The following RXFP2 variants were observed in gnomAD, a reference collection of about 807,000 sequenced individuals.
The protein encoded by RXFP2 is relaxin receptor 2.
In RXFP2, 68 loss-of-function variants were observed where a neutral mutation model predicts 88.6. That is an observed-to-expected ratio of 0.77 (90% CI 0.63 to 0.94). The LOEUF (loss-of-function observed/expected upper bound fraction) is 0.94, where lower values mean the gene tolerates loss of function less well. Ranked by LOEUF, RXFP2 falls within the 40% of genes least tolerant of loss-of-function variation. RXFP2 has a pLI of 0.00. For synonymous variants in RXFP2, 329 were observed against 306.8 expected, an observed-to-expected ratio of 1.07 and a Z score of -0.76; for missense variants, 791 against 893.9, an observed-to-expected ratio of 0.88 and a Z score of 1.47.
At position 31,795,178 on chromosome 13, in the gene RXFP2, C is replaced by T. The variant is rs202210034; in HGVS notation, c.1787-2023C>T. Among the ~76,000 whole-genome samples the T allele has an allele frequency of 2.4e-3, 357 of 149,078 alleles. 9 individuals carry two copies. In the East Asian group the frequency reaches 0.026, roughly 11 times the overall value. ...CTTTTTTTTTTTTTTGAGACAGAGT[C>T]TTGCCCTGTCTCCCAGGCTGGAGTG... On this transcript the variant is annotated intron_variant, in intron 16 of 17. Coordinates refer to ENST00000298386, the MANE Select transcript of RXFP2 (RefSeq NM_130806.5).
chr13:31,748,162 G>T (rs1434060091), intron 1 of RXFP2, among the ~76,000 whole-genome samples: 4 of 152,142 alleles, frequency 2.6e-5, no homozygotes, highest in Non-Finnish European at 5.9e-5. Context: ...TTCTGGCTTG[G>T]GGCTATTGTG....
intron 5 of RXFP2, among the ~76,000 whole-genome samples, chr13:31,769,809 C>G (rs148423238): frequency 6.6e-6 from 1 of 152,252 alleles, no homozygotes; most frequent in Non-Finnish European, 1.5e-5. Flanking sequence ...TAAATACATC[C>G]CTAGTCAGTT....
In RXFP2 at chr13:31,789,216, G is replaced by A. The variant is rs150333753; in HGVS notation, c.1145+23G>A. On this transcript the variant is annotated intron_variant, in intron 14 of 17. Transcript: ENST00000298386. ...CATGTACGTATGTATAAAAAATGGA[G>A]GAGGAAGCATGGTAAAATGCTTCAA... 5,665 of 1,463,636 alleles carry A rather than the reference G, an allele frequency of 3.9e-3. 33 individuals carry two copies. Among genetic ancestry groups the A allele is most frequent in the Middle Eastern group, 6.1e-3 (35 of 5,772 alleles). 90.7% of individuals were successfully genotyped at this position (1,463,636 alleles called of 1,614,324 possible).
At position 31,775,397 on chromosome 13, in the gene RXFP2, C is replaced by CT; in HGVS notation, c.641+9dup. ...ACATCAGCTAACTTGGCTGTAAGTACTCTAATTCTTCTTTCTCCCATAGAG... is the reference window on the plus strand; with the variant it reads ...ACATCAGCTAACTTGGCTGTAAGTACTTCTAATTCTTCTTTCTCCCATAGAG... On this transcript the variant is annotated intron_variant, in intron 7 of 17. Coordinates refer to ENST00000298386, the MANE Select transcript of RXFP2 (RefSeq NM_130806.5). 1 of 1,587,212 alleles carries CT rather than the reference C, an allele frequency of 6.3e-7. No homozygotes were observed.
At chr13:31,787,290 C>T (rs772939295) in intron 13 of RXFP2, among the ~76,000 whole-genome samples, 1 of 152,204 alleles carries the variant, frequency 6.6e-6, no homozygotes, top group African/African-American at 2.4e-5. Flanking sequence ...ATTCCAAAGA[C>T]CAATTCTTAG....
rs778050268 is a variant in RXFP2, at chr13:31,786,375, G to A, written c.930-8G>A. ...GTAATTGCTTTGGGTTTTCATTGTC[G>A]TCAACAGGGATCTGTCTAGCAATAC... On this transcript the variant is annotated splice_polypyrimidine_tract_variant and splice_region_variant and intron_variant, in intron 11 of 17. Coordinates refer to ENST00000298386, the MANE Select transcript of RXFP2 (RefSeq NM_130806.5). 52 of 1,589,628 alleles carry A rather than the reference G, an allele frequency of 3.3e-5. No homozygotes were observed. The highest frequency in any genetic ancestry group is 1.7e-4 in the Admixed American group (10 of 59,954).
chr13:31,739,646 A>C lies in RXFP2; in HGVS notation c.34A>C (p.Ser12Arg), dbSNP rs775335484. Residue 12 changes from serine (S) to arginine (R), a missense_variant, in exon 1 of 18, where the codon AGC becomes CGC. Physicochemically the swap from Ser to Arg is moderately radical, Grantham distance 110. Transcript: ENST00000298386. ...IVFLVFKHLF[S>R]LRLITMFFLL... ...TTTTCTGGTTTTTAAACATCTCTTCAGCCTCAGATTGATTACAATGTTCTT... is the reference window on the plus strand; with the variant it reads ...TTTTCTGGTTTTTAAACATCTCTTCCGCCTCAGATTGATTACAATGTTCTT... 1.9e-6 allele frequency: 3 copies of C among 1,608,520 alleles called. No individual in the cohort carries two copies. The highest frequency in any genetic ancestry group is 1.1e-5 in the South Asian group (1 of 90,972).
intron 2 of RXFP2, among the ~76,000 whole-genome samples, chr13:31,760,016 C>T (rs898544973): frequency 6.6e-5 from 10 of 152,172 alleles, no homozygotes. Flanking sequence ...TATCACAGCA[C>T]CCTGGGTGTA....
chr13:31,761,072 A>T (rs1197358050), intron 2 of RXFP2, among the ~76,000 whole-genome samples: 2 of 152,192 alleles, frequency 1.3e-5, no homozygotes, highest in Admixed American at 6.5e-5. Flanking sequence ...CTCCCACCTC[A>T]GTCTCCCAAG....
intron 1 of RXFP2, among the ~76,000 whole-genome samples, chr13:31,742,109 T>C (rs928509998): frequency 2.0e-5 from 3 of 152,172 alleles, no homozygotes; most frequent in Admixed American, 6.6e-5. Context: ...CATTTCTTAA[T>C]GGACAAATTA....
intron 5 of RXFP2, 35 bp from the exon 6 acceptor site, chr13:31,774,585 A>G (rs1057427311): frequency 2.8e-6 from 3 of 1,066,664 alleles, no homozygotes; most frequent in African/African-American, 1.6e-5. Context: ...TCCATAAACC[A>G]TAATCACCTG....
At chr13:31,800,081 C>A (rs1382085627) in intron 17 of RXFP2, among the ~76,000 whole-genome samples, 1 of 152,144 alleles carries the variant, frequency 6.6e-6, no homozygotes. Flanking sequence ...CTCAGTGGAA[C>A]CAGGAAAAAT....
chr13:31,801,993 T>C (rs1157186673), intron 17 of RXFP2, among the ~76,000 whole-genome samples, 153 bp from the exon 18 acceptor site: 1 of 152,240 alleles, frequency 6.6e-6, no homozygotes, highest in Non-Finnish European at 1.5e-5. Flanking sequence ...ATAGCTTCTG[T>C]GCTCTTCCAA....
chr13:31,774,354 C>T lies in RXFP2; in HGVS notation c.498-266C>T, dbSNP rs868069362. Among the ~76,000 whole-genome samples, 4 of 152,148 alleles carry T rather than the reference C, an allele frequency of 2.6e-5. No homozygotes were observed. In the South Asian group the frequency reaches 8.3e-4, roughly 32 times the overall value. ...TCACCATAGTGCCAGTTTGCAGAAA[C>T]AAGACTAGATCCTTCCGCAGACACA... On this transcript the variant is annotated intron_variant, in intron 5 of 17. Transcript: ENST00000298386.
intron 1 of RXFP2, among the ~76,000 whole-genome samples, chr13:31,749,123 CAT>C (rs904581643): frequency 1.3e-5 from 2 of 152,188 alleles, no homozygotes; most frequent in African/African-American, 2.4e-5. Flanking sequence ...ATCTCACAGT[CAT>C]AAAGATTTTT....
intron 11 of RXFP2, among the ~76,000 whole-genome samples, chr13:31,784,980 A>G (rs920955299): frequency 9.9e-5 from 15 of 152,192 alleles, no homozygotes; most frequent in African/African-American, 3.6e-4. Flanking sequence ...CAGAATAATC[A>G]TTCCATAACC....
chr13:31,763,989 T>C (rs989495305), intron 3 of RXFP2, among the ~76,000 whole-genome samples: 2 of 152,206 alleles, frequency 1.3e-5, no homozygotes, highest in Non-Finnish European at 2.9e-5. Context: ...TTGGCTTTAC[T>C]AATAAAATTC....
rs1871354402 is a variant in RXFP2, at chr13:31,745,048, T to C, written c.94+5342T>C. 2.0e-5 allele frequency among the ~76,000 whole-genome samples: 3 copies of C among 151,948 alleles called. No homozygotes were observed. In the South Asian group the frequency reaches 6.2e-4, roughly 32 times the overall value. ...AGCCAGACGTGGTGGTGCGTGCCTG[T>C]AGTCCCAGCTACTTGGGAGGCTAAG... On this transcript the variant is annotated intron_variant, in intron 1 of 17. Transcript: ENST00000298386.
chr13:31,764,709 CT>C (rs985641145), intron 3 of RXFP2, among the ~76,000 whole-genome samples: 6 of 73,286 alleles, frequency 8.2e-5, no homozygotes, highest in African/African-American at 1.9e-4. Flanking sequence ...TTAAGAATTA[CT>C]CAATCATACA....
Sources: gnomAD v4.1 joint callset for allele counts (sites outside exome capture counted in the v4.1 genomes callset) on GRCh38, gnomAD v4.1.1 for gene constraint, MANE v1.5 for transcripts, NCBI Gene and HGNC (gene_info 2026-07-23, HGNC 2026-07-21) for gene names.